SETD4: variants seen among roughly 807,000 people sequenced by gnomAD.
SETD4 encodes the protein SET domain containing 4.
Under a neutral mutation model 58.3 loss-of-function variants are expected in SETD4, and 46 were observed. That is an observed-to-expected ratio of 0.79 (90% confidence interval 0.62 to 1.01). SETD4 has a LOEUF of 1.01. Among genes scored for constraint, SETD4 ranks in the 50% least tolerant of loss-of-function variants. The pLI is 0.00. For synonymous variants in SETD4, 190 were observed against 202.6 expected (o/e 0.94, Z 0.53); for missense variants, 490 against 523.3 (o/e 0.94, Z 0.62).
Position 36,041,812 on chromosome 21 carries a change from A to G in SETD4, c.978T>C (p.Tyr326=), listed in dbSNP as rs776013932. ...AGGGAAAGAGAAACACTTACTCTAT[A>G]TAGCCATGATCCTTTAAAATAGAAA... ...KKISILKDHG[Y]IENLTFGWDG... Residue 326 remains tyrosine (Y), a synonymous_variant, in exon 8 of 12, where the codon TAT becomes TAC. Transcript: ENST00000332131. The G allele has an allele frequency of 3.4e-6, 5 of 1,480,456 alleles. No homozygotes were observed. Among genetic ancestry groups the G allele is most frequent in the South Asian group, 2.5e-5 (2 of 81,002 alleles). The allele number at this position is 1,480,456 out of a possible 1,614,324, so 91.7% of individuals were successfully genotyped here. A position where few individuals can be genotyped will look rare whatever the true frequency, so the allele number is the denominator to read the frequency against.
chr21:36,045,916 T>A lies in SETD4; in HGVS notation c.392A>T (p.Glu131Val), dbSNP rs1307487883. 1.2e-6 allele frequency: 2 copies of A among 1,614,200 alleles called. No homozygotes were observed. Residue 131 changes from glutamate to valine, a missense_variant, in exon 6 of 12, where the codon GAG becomes GTG. Transcript: ENST00000332131. The part of the protein sequence containing the change: ...GHRSLWKPYL[E>V]ILPKAYTCPV... ...GCAGGTATACGCCTTGGGTAAAATC[T>A]CCAGGTAAGGCTTCCAAAGAGATCG... is the stretch of plus-strand genomic sequence containing the variant.
rs779287059 is a variant in SETD4 at position 36,039,001 on chromosome 21, C to T, written c.1065-728G>A. ...GAGAATCTGGAAGTGGAAGTGGCTTCGAAGGGGAGGAAAGATGGCTGCTGT... is the reference window on the plus strand; with the variant it reads ...GAGAATCTGGAAGTGGAAGTGGCTTTGAAGGGGAGGAAAGATGGCTGCTGT... On this transcript the variant is annotated intron_variant, in intron 9 of 11. Transcript: ENST00000332131. Among the ~76,000 whole-genome samples the T allele has an allele frequency of 3.3e-5, 5 of 151,630 alleles. No homozygotes were observed. In the East Asian group the frequency reaches 7.8e-4, roughly 24 times the overall value.
chr21:36,042,403 CTA>C (rs1278453735), intron 7 of SETD4: 1 of 152,102 alleles, frequency 6.6e-6, no homozygotes, highest in African/African-American at 2.4e-5. Flanking sequence ...GTAAATATAA[CTA>C]AAATATAATT....
intron 4 of SETD4, among the ~76,000 whole-genome samples, chr21:36,048,830 G>A (rs112171114): frequency 0.042 from 6,345 of 149,866 alleles, 200 homozygotes; most frequent in African/African-American, 0.09. Context: ...CGATTCTCCT[G>A]CCTCAGCCTC....
chr21:36,047,834 CAAAAAAAAAAA>C (rs34827028), intron 5 of SETD4, among the ~76,000 whole-genome samples: 3 of 70,930 alleles, frequency 4.2e-5, no homozygotes, highest in Non-Finnish European at 8.0e-5. Flanking sequence ...ACTAAAAATA[CAAAAAAAAAAA>C]AAAAAAAAAA....
At chr21:36,050,089 G>C in intron 4 of SETD4, 2 of 624,186 alleles carry the variant, frequency 3.2e-6, no homozygotes, top group Admixed American at 2.7e-5. Flanking sequence ...CTCTAACTCG[G>C]GGACAGAAGC....
chr21:36,035,251 C>G lies in SETD4; in HGVS notation c.*742G>C, dbSNP rs2063741765. ...TGGTATCAAAACTCAAGAATAAGAA[C>G]AGAAGCCAAACCACCACCATGGTTC... On this transcript the variant is annotated 3_prime_UTR_variant, in exon 12 of 12. Coordinates refer to ENST00000332131, the MANE Select transcript of SETD4 (RefSeq NM_017438.5). 6.6e-6 allele frequency: 1 copy of G among 152,446 alleles called. No individual in the cohort carries two copies. Among genetic ancestry groups the G allele is most frequent in the Non-Finnish European group, 1.5e-5 (1 of 68,262 alleles). The allele number at this position is 152,446 out of a possible 1,614,324, so 9.4% of individuals were successfully genotyped here.
chr21:36,041,001 A>G (rs533349462), intron 8 of SETD4, among the ~76,000 whole-genome samples: 4 of 151,946 alleles, frequency 2.6e-5, no homozygotes, highest in Admixed American at 6.6e-5. Context: ...TCTACTAAAA[A>G]TACAAAAAAT....
At chr21:36,039,552 G>T (rs2063943779) in intron 9 of SETD4, among the ~76,000 whole-genome samples, 1 of 152,196 alleles carries the variant, frequency 6.6e-6, no homozygotes, top group Non-Finnish European at 1.5e-5. Flanking sequence ...ACAAGACAAA[G>T]GAAGACAAAA....
At chr21:36,045,476 G>A (rs758015444) in intron 6 of SETD4, 106 bp downstream of exon 6, 109 of 1,420,000 alleles carry the variant, frequency 7.7e-5, no homozygotes, top group Middle Eastern at 5.2e-4. Flanking sequence ...ACCTGAAGCC[G>A]CCGACACCTC....
intron 4 of SETD4, chr21:36,050,323 A>T (rs2064593390): frequency 6.2e-7 from 1 of 1,612,632 alleles, no homozygotes; most frequent in African/African-American, 1.3e-5. Flanking sequence ...AAATGTTGTG[A>T]GGAGGAACTG....
At position 36,034,962 on chromosome 21, in the gene SETD4, G is replaced by C. The variant is rs1390626523; in HGVS notation, c.*1031C>G. On this transcript the variant is annotated 3_prime_UTR_variant, in exon 12 of 12. Coordinates refer to ENST00000332131, the MANE Select transcript of SETD4 (RefSeq NM_017438.5). The stretch of plus-strand genomic sequence containing the variant: ...AAGATGTTCAAGAAATCATGAGAAA[G>C]TTTTATTTTAAACTCTGCCTGCCTC... 5.3e-5 allele frequency: 8 copies of C among 152,222 alleles called. No individual in the cohort carries two copies. The highest frequency in any genetic ancestry group is 5.2e-4 in the Admixed American group (8 of 15,284). 9.4% of individuals were successfully genotyped at this position (152,222 alleles called of 1,614,324 possible). A position where few individuals can be genotyped will look rare whatever the true frequency, so the allele number is the denominator to read the frequency against.
In SETD4 at chr21:36,037,854, G is replaced by A. The variant is rs376604196; in HGVS notation, c.1188+296C>T. 1.4e-4 allele frequency among the ~76,000 whole-genome samples: 21 copies of A among 151,646 alleles called. No individual in the cohort carries two copies. In the East Asian group the frequency reaches 3.5e-3, roughly 26 times the overall value. On this transcript the variant is annotated intron_variant, in intron 10 of 11. Coordinates refer to ENST00000332131, the MANE Select transcript of SETD4 (RefSeq NM_017438.5). ...TTACTAAAAATACAAACATTAGCTG[G>A]GCATGGTGGCGGGTGCCTGTAATCC...
intron 3 of SETD4, among the ~76,000 whole-genome samples, chr21:36,055,369 C>A (rs2064938725): frequency 6.6e-6 from 1 of 152,304 alleles, no homozygotes; most frequent in Admixed American, 6.5e-5. Context: ...CCATTAGGAG[C>A]TCATGAGAGT....
rs2064825633 is a variant in SETD4 at position 36,053,591 on chromosome 21, A to G, written c.199T>C (p.Ser67Pro). ...GTGRGLMSQT[S>P]LQEGQMIISL... ...CAAAGAACAGTTCTCACCTGCAGGG[A>G]TGTTTGACTCATCAGCCCTCTTCCT... The change falls in exon 4 of 12, where the codon TCC becomes CCC. Residue 67 changes from serine (S) to proline (P), a missense_variant. Coordinates refer to ENST00000332131, the MANE Select transcript of SETD4 (RefSeq NM_017438.5). 1 of 1,614,056 alleles carries G rather than the reference A, an allele frequency of 6.2e-7. No homozygotes were observed. The highest frequency in any genetic ancestry group is 8.5e-7 in the Non-Finnish European group (1 of 1,180,020).
rs1347810524 is a variant in SETD4, at chr21:36,058,815, C to A, written c.73+1G>T. On this transcript the variant is annotated splice_donor_variant, in intron 2 of 11. Coordinates refer to ENST00000332131, the MANE Select transcript of SETD4 (RefSeq NM_017438.5). LOFTEE classifies it high-confidence loss of function. The stretch of plus-strand genomic sequence containing the variant: ...TACTGGTACTAAAAGAAAAACCATA[C>A]CTCCTCTTGATTCAGAACTTCCGCA... The A allele has an allele frequency of 1.3e-6, 2 of 1,595,858 alleles. 1 individual carries two copies.
At chr21:36,049,107 G>C (rs1048610283) in intron 4 of SETD4, among the ~76,000 whole-genome samples, 2 of 152,138 alleles carry the variant, frequency 1.3e-5, no homozygotes, top group African/African-American at 4.8e-5. Context: ...TCTACCACTT[G>C]CAAGAGTATC....
At chr21:36,043,369 G>T in intron 7 of SETD4, 1 of 690,076 alleles carries the variant, frequency 1.4e-6, no homozygotes, top group Non-Finnish European at 1.8e-6. Context: ...ACTATAGGTA[G>T]ATTTATCTCT....
intron 9 of SETD4, among the ~76,000 whole-genome samples, chr21:36,039,288 C>CA (rs1473619288): frequency 6.6e-6 from 1 of 152,196 alleles, no homozygotes; most frequent in Non-Finnish European, 1.5e-5. Context: ...CCCTGAGTGA[C>CA]AGAGCTAGTG....
Sources: allele counts gnomAD v4.1 joint callset (sites outside exome capture counted in the v4.1 genomes callset), GRCh38; gene constraint gnomAD v4.1.1; transcripts MANE v1.5; gene names NCBI Gene and HGNC (gene_info 2026-07-23, HGNC 2026-07-21).